The following ATP6V1B1 variants were observed in gnomAD, a reference collection of about 807,000 sequenced individuals.
ATP6V1B1 encodes V-type proton ATPase subunit B, kidney isoform.
In ATP6V1B1, 41 loss-of-function variants were observed where a neutral mutation model predicts 62.1. The ratio of observed to expected loss-of-function variants is 0.66; its 90% confidence interval spans 0.51 to 0.86. ATP6V1B1 has a LOEUF of 0.86. ATP6V1B1 is among the 40% of genes least tolerant of loss of function. The pLI, the probability that ATP6V1B1 is intolerant of heterozygous loss-of-function variation, is 0.00. For missense variants in ATP6V1B1, 651 were observed against 697.5 expected (o/e 0.93, Z 0.75); for synonymous variants, 253 against 273.4 (o/e 0.93, Z 0.74).
At chr2:70,936,240 C>T (rs1397193621) in intron 1 of ATP6V1B1, among the ~76,000 whole-genome samples, 168 bp downstream of exon 1, 1 of 152,108 alleles carries the variant, frequency 6.6e-6, no homozygotes, top group Non-Finnish European at 1.5e-5. Flanking sequence ...CCACCTGGAC[C>T]AGAGGCCACC....
intron 1 of ATP6V1B1, chr2:70,941,727 A>G: frequency 1.0e-6 from 1 of 985,476 alleles, no homozygotes; most frequent in Non-Finnish European, 1.2e-6. Context: ...GGAGGGAAGG[A>G]AGAAGGCAGA....
At chr2:70,940,907 CTTTTTCTT>C (rs1376231986) in intron 1 of ATP6V1B1, 39,910 of 728,702 alleles carry the variant, frequency 0.055, 58 homozygotes, top group African/African-American at 0.11. Context: ...TTTTCTTTTT[CTTTTTCTT>C]TTTTTTTTTT....
intron 2 of ATP6V1B1, chr2:70,944,284 C>T (rs1680090926): frequency 8.1e-7 from 1 of 1,228,388 alleles, no homozygotes; most frequent in Non-Finnish European, 1.1e-6. Context: ...TTTTGTAGCC[C>T]CTGGGAAACT....
At chr2:70,947,924 T>C (rs564427199) in intron 2 of ATP6V1B1, among the ~76,000 whole-genome samples, 1 of 152,210 alleles carries the variant, frequency 6.6e-6, no homozygotes, top group South Asian at 2.1e-4. Context: ...GGACTAGCTA[T>C]CCCCCACGGG....
At chr2:70,960,142 G>A (rs1324320728) in intron 6 of ATP6V1B1, 64 bp downstream of exon 6, 5 of 1,601,324 alleles carry the variant, frequency 3.1e-6, no homozygotes, top group African/African-American at 1.3e-5. Context: ...GGGGCTGCTG[G>A]ACCAGTGAGG....
chr2:70,960,222 C>T (rs1680553823), intron 6 of ATP6V1B1, 144 bp downstream of exon 6: 1 of 1,288,106 alleles, frequency 7.8e-7, no homozygotes, highest in African/African-American at 1.5e-5. Context: ...GGCAGCTGTC[C>T]CTGGGCAGCT....
rs1680588642 is a variant in ATP6V1B1, at chr2:70,961,598, G to A, written c.690G>A (p.Val230=). ...NFAIVFAAMG[V]NMETARFFKS... ...AGCCCACCCTGCTGTGTATCCAGGTGAACATGGAGACAGCCAGATTCTTCA... is the reference window on the plus strand; with the variant it reads ...AGCCCACCCTGCTGTGTATCCAGGTAAACATGGAGACAGCCAGATTCTTCA... Residue 230 remains valine (V), a splice_region_variant and synonymous_variant, in exon 8 of 14, where the codon GTG becomes GTA. Coordinates refer to ENST00000234396, the MANE Select transcript of ATP6V1B1 (RefSeq NM_001692.4). 1 of 1,613,900 alleles carries A rather than the reference G, an allele frequency of 6.2e-7. No homozygotes were observed. Among genetic ancestry groups the A allele is most frequent in the African/African-American group, 1.3e-5 (1 of 74,948 alleles).
intron 8 of ATP6V1B1, among the ~76,000 whole-genome samples, chr2:70,962,273 A>C (rs918948574): frequency 2.6e-5 from 4 of 152,160 alleles, no homozygotes; most frequent in Non-Finnish European, 5.9e-5. Context: ...GGACGAGCAC[A>C]TTAGGTGTGC....
chr2:70,946,667 G>A (rs969859052), intron 2 of ATP6V1B1, among the ~76,000 whole-genome samples: 1 of 152,220 alleles, frequency 6.6e-6, no homozygotes, highest in South Asian at 2.1e-4. Flanking sequence ...AGAATAGCCA[G>A]CAATGTTTCT....
intron 2 of ATP6V1B1, chr2:70,956,325 T>C (rs1553419042): frequency 2.4e-5 from 4 of 166,090 alleles, no homozygotes; most frequent in African/African-American, 9.6e-5. Context: ...CCCCATGTAC[T>C]GCCATAGCCC....
intron 2 of ATP6V1B1, among the ~76,000 whole-genome samples, chr2:70,954,672 T>C (rs1177659640): frequency 6.6e-6 from 1 of 152,160 alleles, no homozygotes; most frequent in Non-Finnish European, 1.5e-5. Context: ...TTCATAGAGA[T>C]GGGTCTCGCT....
At chr2:70,953,313 C>G (rs1224604260) in intron 2 of ATP6V1B1, among the ~76,000 whole-genome samples, 5 of 152,092 alleles carry the variant, frequency 3.3e-5, no homozygotes, top group African/African-American at 9.7e-5. Flanking sequence ...AGAAATTTCC[C>G]TTTTATTTCC....
intron 7 of ATP6V1B1, 145 bp downstream of exon 7, chr2:70,961,167 G>A (rs1452897644): frequency 1.7e-5 from 14 of 834,788 alleles, no homozygotes; most frequent in African/African-American, 1.2e-4. Context: ...CAGTGACCAC[G>A]GCCATGTGTC....
At chr2:70,962,307 A>G (rs1680606020) in intron 8 of ATP6V1B1, among the ~76,000 whole-genome samples, 1 of 152,156 alleles carries the variant, frequency 6.6e-6, no homozygotes, top group African/African-American at 2.4e-5. Context: ...AGGGACAGTG[A>G]GAGGAGCAGT....
chr2:70,957,079 T>C (rs1680454566), intron 2 of ATP6V1B1, among the ~76,000 whole-genome samples: 1 of 146,116 alleles, frequency 6.8e-6, no homozygotes, highest in South Asian at 2.2e-4. Flanking sequence ...GGTTTAAAAG[T>C]TCTTCTTCTT....
intron 1 of ATP6V1B1, chr2:70,940,359 GCCCA>G: frequency 1.5e-6 from 1 of 669,164 alleles, no homozygotes; most frequent in Non-Finnish European, 1.8e-6. Context: ...TCCCTATCCA[GCCCA>G]CCCACCCTGC....
intron 2 of ATP6V1B1, among the ~76,000 whole-genome samples, chr2:70,950,818 T>G (rs1251568257): frequency 6.6e-6 from 1 of 152,074 alleles, no homozygotes; most frequent in Admixed American, 6.5e-5. Flanking sequence ...TATAAAAATT[T>G]GCAAAGATAA....
chr2:70,941,414 A>G, intron 1 of ATP6V1B1: 1 of 985,546 alleles, frequency 1.0e-6, no homozygotes, highest in Non-Finnish European at 1.2e-6. Flanking sequence ...CTCCTCTGCC[A>G]GAAGTGCCCT....
chr2:70,963,984 C>G lies in ATP6V1B1; in HGVS notation c.1143+330C>G. On this transcript the variant is annotated intron_variant, in intron 11 of 13. Coordinates refer to ENST00000234396, the MANE Select transcript of ATP6V1B1 (RefSeq NM_001692.4). The surrounding 1 kb of genome is among the most constrained non-coding windows in gnomAD (Gnocchi z 4.3). ...ATATAGAAAGCATCTGGCAGATAGT[C>G]AATACTATTTGCCTTCCCTTTCCAG... The G allele has an allele frequency of 2.1e-6, 1 of 474,704 alleles. No individual in the cohort carries two copies. Among genetic ancestry groups the G allele is most frequent in the South Asian group, 2.1e-5 (1 of 47,560 alleles). 29.4% of individuals were successfully genotyped at this position (474,704 alleles called of 1,614,324 possible).
Sources: gnomAD v4.1 joint callset for allele counts (sites outside exome capture counted in the v4.1 genomes callset) on GRCh38, gnomAD v4.1.1 for gene constraint, Gnocchi (gnomAD v3.1) non-coding constraint, MANE v1.5 for transcripts, NCBI Gene and HGNC (gene_info 2026-07-23, HGNC 2026-07-21) for gene names.